NT5DC1: variants seen among roughly 807,000 people sequenced by gnomAD.
The protein encoded by NT5DC1 is 5'-nucleotidase domain containing 1.
NT5DC1 carries 42 observed loss-of-function variants against 59.4 expected under a neutral mutation model. The ratio of observed to expected loss-of-function variants is 0.71; its 90% confidence interval spans 0.55 to 0.92. NT5DC1 has a LOEUF of 0.92. NT5DC1 is among the 40% of genes least tolerant of loss of function. The probability of loss-of-function intolerance (pLI) is 0.00; values close to 1 mark genes in which losing one functional copy is unlikely to be tolerated. For synonymous variants in NT5DC1, 172 were observed against 188.1 expected, an observed-to-expected ratio of 0.91 and a Z score of 0.70; for missense variants, 501 against 537.1, an observed-to-expected ratio of 0.93 and a Z score of 0.66.
Position 116,222,006 on chromosome 6 carries a change from C to T in NT5DC1, c.704+778C>T, listed in dbSNP as rs534920554. ...TGTTTCCTCAAATTCCATCAAATACCGAATTGCCATGAGTATGGAGCAAGT... is the reference window on the plus strand; with the variant it reads ...TGTTTCCTCAAATTCCATCAAATACTGAATTGCCATGAGTATGGAGCAAGT... On this transcript the variant is annotated intron_variant, in intron 7 of 11. Coordinates refer to ENST00000319550, the MANE Select transcript of NT5DC1 (RefSeq NM_152729.3). Among the ~76,000 whole-genome samples, 3 of 152,252 alleles carry T rather than the reference C, an allele frequency of 2.0e-5. No homozygotes were observed. In the South Asian group the frequency reaches 6.2e-4, roughly 32 times the overall value.
intron 6 of NT5DC1, chr6:116,125,640 A>G (rs1376972939): frequency 1.4e-6 from 1 of 727,314 alleles, no homozygotes; most frequent in Non-Finnish European, 2.2e-6. Context: ...AATATGTGCC[A>G]TAAATAAATG....
chr6:116,243,957 A>C lies in NT5DC1; in HGVS notation c.1301A>C (p.Lys434Thr). The change falls in exon 12 of 12, where the codon AAA becomes ACA. Residue 434 changes from lysine to threonine, a missense_variant. Physicochemically the swap from Lys to Thr is moderately conservative, Grantham distance 78. Coordinates refer to ENST00000319550, the MANE Select transcript of NT5DC1 (RefSeq NM_152729.3). ...KFTRFSSSNS[K>T]TAGYYPNPPL... ...ACAAGATTCTCTTCAAGCAATTCAAAAACAGCTGGCTACTATCCAAATCCT... is the reference window on the plus strand; with the variant it reads ...ACAAGATTCTCTTCAAGCAATTCAACAACAGCTGGCTACTATCCAAATCCT... 6.3e-7 allele frequency: 1 copy of C among 1,585,444 alleles called. No individual in the cohort carries two copies. The highest frequency in any genetic ancestry group is 8.6e-7 in the Non-Finnish European group (1 of 1,157,896).
chr6:116,148,343 CA>C (rs1297572248), intron 6 of NT5DC1, among the ~76,000 whole-genome samples: 2 of 152,028 alleles, frequency 1.3e-5, no homozygotes, highest in East Asian at 3.9e-4. Flanking sequence ...AGACAAAAAG[CA>C]AAATAGAAAA....
intron 6 of NT5DC1, among the ~76,000 whole-genome samples, chr6:116,198,863 A>G (rs529251428): frequency 1.3e-5 from 2 of 152,186 alleles, no homozygotes; most frequent in Non-Finnish European, 2.9e-5. Flanking sequence ...AGAGTCTTCC[A>G]TGGTGATCCC....
At chr6:116,181,764 A>G (rs193147320) in intron 6 of NT5DC1, among the ~76,000 whole-genome samples, 27 of 151,908 alleles carry the variant, frequency 1.8e-4, no homozygotes, top group Admixed American at 6.6e-5. Flanking sequence ...GAAGACCTAA[A>G]TAAATGGGAG....
chr6:116,193,520 T>C (rs946188741), intron 6 of NT5DC1, among the ~76,000 whole-genome samples: 6 of 152,188 alleles, frequency 3.9e-5, no homozygotes, highest in Non-Finnish European at 8.8e-5. Flanking sequence ...GGAGAAGATA[T>C]TTCCTAATTT....
chr6:116,238,857 A>G, intron 10 of NT5DC1, 98 bp from the exon 11 acceptor site: 1 of 734,332 alleles, frequency 1.4e-6, no homozygotes. Context: ...GTAGATTCCT[A>G]CAGGGTTTCA....
At chr6:116,175,625 CTT>C (rs1483337518) in intron 6 of NT5DC1, among the ~76,000 whole-genome samples, 1 of 152,074 alleles carries the variant, frequency 6.6e-6, no homozygotes, top group Non-Finnish European at 1.5e-5. Flanking sequence ...GTTTTTTTCT[CTT>C]TGTGTTTCAG....
At position 116,107,273 on chromosome 6, in the gene NT5DC1, T is replaced by C. The variant is rs191131186; in HGVS notation, c.185+938T>C. On this transcript the variant is annotated intron_variant, in intron 2 of 11. Coordinates refer to ENST00000319550, the MANE Select transcript of NT5DC1 (RefSeq NM_152729.3). ...TTGATATTTTGTTAGTCTTTTTTGA[T>C]GTAACATTTTTGTAAAAGGAAGAAA... Among the ~76,000 whole-genome samples, 133 of 149,582 alleles carry C rather than the reference T, an allele frequency of 8.9e-4. 1 individual carries two copies. The highest frequency in any genetic ancestry group is 3.1e-3 in the African/African-American group (126 of 40,364).
intron 6 of NT5DC1, among the ~76,000 whole-genome samples, chr6:116,196,454 A>G (rs972284778): frequency 6.6e-5 from 10 of 151,968 alleles, no homozygotes; most frequent in East Asian, 1.9e-4. Flanking sequence ...CTATAAATCA[A>G]CCATTATTAG....
At chr6:116,121,332 C>T in intron 6 of NT5DC1, 1 of 1,614,028 alleles carries the variant, frequency 6.2e-7, no homozygotes, top group Non-Finnish European at 8.5e-7. Context: ...TTTCCAATGC[C>T]TTCTGGCCCT....
intron 6 of NT5DC1, among the ~76,000 whole-genome samples, chr6:116,144,211 G>A (rs1306771990): frequency 6.6e-6 from 1 of 152,100 alleles, no homozygotes; most frequent in Non-Finnish European, 1.5e-5. Context: ...CAACATTAAA[G>A]TGTAAAAGGA....
At chr6:116,122,413 C>T (rs1015188962) in intron 6 of NT5DC1, among the ~76,000 whole-genome samples, 1 of 152,200 alleles carries the variant, frequency 6.6e-6, no homozygotes, top group African/African-American at 2.4e-5. Flanking sequence ...TGATTTACAT[C>T]TGCCATGCCT....
At chr6:116,191,435 GA>G (rs1314337145) in intron 6 of NT5DC1, among the ~76,000 whole-genome samples, 2 of 151,982 alleles carry the variant, frequency 1.3e-5, no homozygotes, top group Non-Finnish European at 2.9e-5. Flanking sequence ...GAAGAGGAGG[GA>G]AAAATGTTTT....
At chr6:116,169,949 GGA>G (rs1385182081) in intron 6 of NT5DC1, among the ~76,000 whole-genome samples, 1 of 152,188 alleles carries the variant, frequency 6.6e-6, no homozygotes, top group Non-Finnish European at 1.5e-5. Context: ...CAGAAATAGG[GGA>G]GAGGGGTTTC....
intron 6 of NT5DC1, chr6:116,121,093 C>G (rs548995634): frequency 1.9e-6 from 3 of 1,613,818 alleles, no homozygotes; most frequent in Non-Finnish European, 2.5e-6. Flanking sequence ...GTCCCATATT[C>G]CCAGGGGGTC....
At chr6:116,176,326 G>A (rs1299287180) in intron 6 of NT5DC1, among the ~76,000 whole-genome samples, 1 of 152,184 alleles carries the variant, frequency 6.6e-6, no homozygotes, top group Non-Finnish European at 1.5e-5. Flanking sequence ...CCTAGCAGAA[G>A]ACTGCTGTTG....
intron 6 of NT5DC1, among the ~76,000 whole-genome samples, chr6:116,138,326 G>C (rs948212275): frequency 4.6e-5 from 7 of 152,186 alleles, no homozygotes; most frequent in Non-Finnish European, 1.0e-4. Flanking sequence ...TAGGATTTAT[G>C]AGAAACAGTA....
chr6:116,141,147 G>A (rs1185156832), intron 6 of NT5DC1, among the ~76,000 whole-genome samples: 1 of 152,044 alleles, frequency 6.6e-6, no homozygotes, highest in Non-Finnish European at 1.5e-5. Flanking sequence ...TCATTTTATT[G>A]TATTTGTATG....
Sources: allele counts gnomAD v4.1 joint callset (sites outside exome capture counted in the v4.1 genomes callset), GRCh38; gene constraint gnomAD v4.1.1; transcripts MANE v1.5; gene names NCBI Gene and HGNC (gene_info 2026-07-23, HGNC 2026-07-21).